MBNL1: variants seen among roughly 807,000 people sequenced by gnomAD.
MBNL1 encodes the protein muscleblind like splicing regulator 1.
Under a neutral mutation model 42.2 loss-of-function variants are expected in MBNL1, and 8 were observed. The observed-to-expected ratio is 0.19, with a 90% CI of 0.11 to 0.34. The LOEUF (loss-of-function observed/expected upper bound fraction) is 0.34, where lower values mean the gene tolerates loss of function less well. Ranked by LOEUF, MBNL1 falls within the 10% of genes least tolerant of loss-of-function variation. The pLI, the probability that MBNL1 is intolerant of heterozygous loss-of-function variation, is 1.00. For missense variants in MBNL1, 309 were observed against 495.3 expected (o/e 0.62, Z 3.57); for synonymous variants, 169 against 173.9 (o/e 0.97, Z 0.22).
At chr3:152,339,050 G>T (rs2092313182) in intron 2 of MBNL1, among the ~76,000 whole-genome samples, 1 of 152,032 alleles carries the variant, frequency 6.6e-6, no homozygotes, top group South Asian at 2.1e-4. Flanking sequence ...ATTTGCCTCT[G>T]TGTTAATATT....
chr3:152,250,281 C>T (rs1351697256), intron 2 of MBNL1, among the ~76,000 whole-genome samples: 2 of 151,610 alleles, frequency 1.3e-5, no homozygotes, highest in Non-Finnish European at 2.9e-5. Context: ...TGTTTGTATC[C>T]TCTTTTATTT....
At chr3:152,273,103 C>T (rs919246610) in intron 1 of MBNL1, among the ~76,000 whole-genome samples, 1 of 151,854 alleles carries the variant, frequency 6.6e-6, no homozygotes. Context: ...AGTGTCAGTG[C>T]GTGTGTGGAG....
At chr3:152,427,304 A>G (rs577899553) in intron 3 of MBNL1, among the ~76,000 whole-genome samples, 2 of 152,362 alleles carry the variant, frequency 1.3e-5, no homozygotes, top group South Asian at 2.1e-4. Context: ...GAAACTAAGA[A>G]TGAAGGAGGT....
intron 3 of MBNL1, among the ~76,000 whole-genome samples, chr3:152,415,989 C>T (rs1029477738): frequency 6.6e-6 from 1 of 152,092 alleles, no homozygotes; most frequent in African/African-American, 2.4e-5. Context: ...TTGAAATTTG[C>T]AATTATCAGA....
chr3:152,446,885 T>C lies in MBNL1; in HGVS notation c.808-735T>C, dbSNP rs905634345. On this transcript the variant is annotated intron_variant, in intron 5 of 9. Coordinates refer to ENST00000324210, the MANE Select transcript of MBNL1 (RefSeq NM_021038.5). ...GAGTTGTAAAGTACAATGAAAAAAC[T>C]GAGTGTGGTTTCCTGACAAAATTAG... 8.3e-6 allele frequency: 6 copies of C among 719,698 alleles called. No individual in the cohort carries two copies. The African/African-American group carries it at 1.1e-4, about 13-fold the overall frequency. The allele number at this position is 719,698 out of a possible 1,614,324, so 44.6% of individuals were successfully genotyped here.
At chr3:152,288,665 C>G (rs1395857167) in intron 1 of MBNL1, among the ~76,000 whole-genome samples, 1 of 152,012 alleles carries the variant, frequency 6.6e-6, no homozygotes, top group Admixed American at 6.5e-5. Flanking sequence ...TAAAACTACA[C>G]ATTTTCCTTT....
At chr3:152,414,240 G>A (rs956217203) in intron 2 of MBNL1, among the ~76,000 whole-genome samples, 4 of 152,184 alleles carry the variant, frequency 2.6e-5, no homozygotes, top group Non-Finnish European at 5.9e-5. Flanking sequence ...TTTTTGGAGG[G>A]TAAATATATC....
chr3:152,390,223 T>C (rs115411961), intron 2 of MBNL1, among the ~76,000 whole-genome samples: 57 of 151,924 alleles, frequency 3.8e-4, no homozygotes, highest in African/African-American at 1.3e-3. Flanking sequence ...TGTACATCTG[T>C]ACAAAAACTT....
chr3:152,289,933 C>G (rs2054886142), intron 1 of MBNL1, among the ~76,000 whole-genome samples: 1 of 152,018 alleles, frequency 6.6e-6, no homozygotes, highest in African/African-American at 2.4e-5. Flanking sequence ...TACATTCGAG[C>G]AATTCCATAC....
At chr3:152,421,606 T>C (rs1299056721) in intron 3 of MBNL1, among the ~76,000 whole-genome samples, 6 of 152,072 alleles carry the variant, frequency 3.9e-5, no homozygotes, top group Admixed American at 3.9e-4. Flanking sequence ...GACACAAATA[T>C]ACTCCTCGAG....
intron 2 of MBNL1, among the ~76,000 whole-genome samples, chr3:152,413,539 TC>T (rs1265693034): frequency 6.6e-6 from 1 of 152,194 alleles, no homozygotes; most frequent in Admixed American, 6.5e-5. Flanking sequence ...ACAAGCAGTA[TC>T]CTATGATTCT....
intron 2 of MBNL1, among the ~76,000 whole-genome samples, chr3:152,361,517 G>A (rs980011661): frequency 1.3e-5 from 2 of 151,342 alleles, no homozygotes; most frequent in African/African-American, 4.9e-5. Flanking sequence ...AACTGGTGGC[G>A]GTTTAATACA....
chr3:152,454,281 A>G (rs1270572111), intron 6 of MBNL1, among the ~76,000 whole-genome samples: 3 of 152,206 alleles, frequency 2.0e-5, no homozygotes, highest in Non-Finnish European at 4.4e-5. Context: ...CAGCTGTTAC[A>G]GAGATGCCAG....
At chr3:152,253,388 A>T (rs1339247460) in intron 2 of MBNL1, among the ~76,000 whole-genome samples, 1 of 152,120 alleles carries the variant, frequency 6.6e-6, no homozygotes, top group Non-Finnish European at 1.5e-5. Context: ...CCTGTTTCAC[A>T]TCTTGAGCAA....
chr3:152,447,566 T>C, intron 5 of MBNL1, 54 bp from the exon 6 acceptor site: 1 of 1,511,168 alleles, frequency 6.6e-7, no homozygotes, highest in Non-Finnish European at 9.0e-7. Flanking sequence ...GATTTTTCTT[T>C]TTTCTTTTTC....
chr3:152,280,593 G>A (rs2047872160), intron 1 of MBNL1, among the ~76,000 whole-genome samples: 2 of 152,254 alleles, frequency 1.3e-5, no homozygotes, highest in South Asian at 4.1e-4. Context: ...TCAGGTTAAC[G>A]TTTATGTTAA....
chr3:152,329,933 T>G (rs1035226791), intron 2 of MBNL1, among the ~76,000 whole-genome samples: 3 of 151,966 alleles, frequency 2.0e-5, no homozygotes, highest in Non-Finnish European at 4.4e-5. Context: ...TTTCTATGAA[T>G]TCTCTAAAAA....
chr3:152,323,789 C>G (rs1351747196), intron 2 of MBNL1, among the ~76,000 whole-genome samples: 1 of 152,084 alleles, frequency 6.6e-6, no homozygotes, highest in Non-Finnish European at 1.5e-5. Flanking sequence ...TTTTTCAGCT[C>G]CATTGTAATC....
chr3:152,347,175 A>G (rs1046945472), intron 2 of MBNL1, among the ~76,000 whole-genome samples: 19 of 152,152 alleles, frequency 1.2e-4, no homozygotes, highest in Admixed American at 1.0e-3. Flanking sequence ...ACAATAGAAC[A>G]GCCAACTATA....
Sources: gnomAD v4.1 joint callset for allele counts (sites outside exome capture counted in the v4.1 genomes callset) on GRCh38, gnomAD v4.1.1 for gene constraint, MANE v1.5 for transcripts, NCBI Gene and HGNC (gene_info 2026-07-23, HGNC 2026-07-21) for gene names.